ZIM2: variants seen among roughly 807,000 people sequenced by gnomAD.
The protein encoded by ZIM2 is zinc finger imprinted 2.
ZIM2 carries 14 observed loss-of-function variants against 38.6 expected under a neutral mutation model. The observed-to-expected ratio is 0.36, with a 90% CI of 0.24 to 0.57. The LOEUF is 0.57. Among genes scored for constraint, ZIM2 ranks in the 20% least tolerant of loss-of-function variants. ZIM2 has a pLI of 0.81. For missense variants in ZIM2, 680 were observed against 695.1 expected, an observed-to-expected ratio of 0.98 and a Z score of 0.24; for synonymous variants, 247 against 245.8, an observed-to-expected ratio of 1.00 and a Z score of -0.04.
intron 5 of ZIM2, among the ~76,000 whole-genome samples, chr19:56,823,057 A>C (rs1013254982): frequency 6.6e-6 from 1 of 152,186 alleles, no homozygotes; most frequent in African/African-American, 2.4e-5. Context: ...GCTTGCTTCC[A>C]AGCAAGTTCC....
chr19:56,781,981 C>T lies in ZIM2; in HGVS notation c.711G>A (p.Leu237=). 1 of 1,613,716 alleles carries T rather than the reference C, an allele frequency of 6.2e-7. No individual in the cohort carries two copies. The highest frequency in any genetic ancestry group is 1.1e-5 in the South Asian group (1 of 91,054). Residue 237 remains leucine, a synonymous_variant, in exon 11 of 13, where the codon CTG becomes CTA. Coordinates refer to ENST00000629319, the MANE Select transcript of ZIM2 (RefSeq NM_001387356.1). ...AQRNLYREVM[L]ENYRNLVSLG... is the part of the protein sequence containing the mutation. Reference sequence around the variant, plus strand: ...GGGAGACCAGGTTCCGGTAATTCTCCAGCATCACCTCCCTGTAGAGGTTTC... The same window carrying T: ...GGGAGACCAGGTTCCGGTAATTCTCTAGCATCACCTCCCTGTAGAGGTTTC...
chr19:56,789,119 G>A (rs2046789411), intron 10 of ZIM2, among the ~76,000 whole-genome samples: 1 of 151,664 alleles, frequency 6.6e-6, no homozygotes, highest in African/African-American at 2.4e-5. Flanking sequence ...GGAGGAGTTT[G>A]GATAAACAAC....
intron 12 of ZIM2, among the ~76,000 whole-genome samples, chr19:56,776,100 CAA>C (rs56776253): frequency 0.48 from 52,383 of 108,554 alleles, 10,266 homozygotes; most frequent in South Asian, 0.59. Context: ...GACTCTGTCT[CAA>C]AAAAAAAAAA....
Position 56,789,907 on chromosome 19 carries a change from C to T in ZIM2, c.535G>A (p.Glu179Lys). ...GCAGATGGCAGATTGTCTAACATCT[C>T]TGTGTTCCTCTTTTCTGCAGGGACA... ...DSVPAEKRNTEMLDNLPSAGS... is the reference protein window; with the variant it reads ...DSVPAEKRNTKMLDNLPSAGS... Residue 179 changes from glutamate (E) to lysine (K), a missense_variant, in exon 10 of 13, where the codon GAG becomes AAG. Transcript: ENST00000629319. 6.3e-7 allele frequency: 1 copy of T among 1,582,254 alleles called. No homozygotes were observed. The highest frequency in any genetic ancestry group is 2.3e-5 in the East Asian group (1 of 44,256).
chr19:56,798,669 C>G (rs1326276981), intron 9 of ZIM2: 2 of 152,064 alleles, frequency 1.3e-5, no homozygotes, highest in African/African-American at 2.4e-5. Flanking sequence ...TCAGAGTGAA[C>G]AGACAGCTTA....
In ZIM2 at chr19:56,775,399, G is replaced by A; in HGVS notation, c.966C>T (p.Ser322=). ...RSYGSDEFER[S]SNLSKQSKDP... ...CCTTTGATTGTTTACTAAGATTAGA[G>A]CTTCTCTCAAATTCATCACTGCCAT... Residue 322 remains serine (S), a synonymous_variant, in exon 13 of 13, where the codon AGC becomes AGT. Transcript: ENST00000629319. 3 of 1,614,112 alleles carry A rather than the reference G, an allele frequency of 1.9e-6. No homozygotes were observed. The highest frequency in any genetic ancestry group is 2.5e-6 in the Non-Finnish European group (3 of 1,180,022).
Position 56,824,283 on chromosome 19 carries a change from T to G in ZIM2, c.-6A>C. On this transcript the variant is annotated 5_prime_UTR_variant, in exon 4 of 13. Coordinates refer to ENST00000629319, the MANE Select transcript of ZIM2 (RefSeq NM_001387356.1). ...TCACCTTCTGGTTGGTACATCTCCT[T>G]GTAATTCTCCAGCAGAGTGACGAGC... 1 of 1,613,980 alleles carries G rather than the reference T, an allele frequency of 6.2e-7. No homozygotes were observed.
intron 10 of ZIM2, chr19:56,782,547 CA>C (rs2046378893): frequency 6.9e-6 from 3 of 432,114 alleles, no homozygotes; most frequent in Non-Finnish European, 9.1e-6. Context: ...ATCAAAATGA[CA>C]AAATACCATT....
chr19:56,782,691 C>A (rs2046385800), intron 10 of ZIM2, among the ~76,000 whole-genome samples: 1 of 151,992 alleles, frequency 6.6e-6, no homozygotes, highest in Non-Finnish European at 1.5e-5. Context: ...TAGAAAATCA[C>A]TTTTGATCCA....
At chr19:56,794,116 C>G (rs770416076) in intron 9 of ZIM2, among the ~76,000 whole-genome samples, 10 of 151,960 alleles carry the variant, frequency 6.6e-5, no homozygotes, top group Non-Finnish European at 1.0e-4. Context: ...TAATATCAAG[C>G]GGAAAAAGGA....
intron 7 of ZIM2, among the ~76,000 whole-genome samples, chr19:56,821,253 A>T (rs2060458592): frequency 1.3e-5 from 2 of 152,196 alleles, no homozygotes; most frequent in South Asian, 4.1e-4. Context: ...CCAGGCTTTA[A>T]ACCCAGCTCC....
chr19:56,789,577 C>G (rs2046814989), intron 10 of ZIM2, among the ~76,000 whole-genome samples: 1 of 150,560 alleles, frequency 6.6e-6, no homozygotes, highest in South Asian at 2.1e-4. Context: ...ATTCAAAAGA[C>G]AGAAAAAAAG....
At position 56,810,370 on chromosome 19, in the gene ZIM2, A is replaced by G. The variant is rs73626608; in HGVS notation, c.490+7376T>C. 8.6e-3 allele frequency: 8,499 copies of G among 985,392 alleles called. 563 individuals are homozygous for G. The African/African-American group carries it at 0.14, about 16-fold the overall frequency. 61.0% of individuals were successfully genotyped at this position (985,392 alleles called of 1,614,324 possible). A position where few individuals can be genotyped will look rare whatever the true frequency, so the allele number is the denominator to read the frequency against. ...TCAAGGAAACCGAAACAAAATAACC[A>G]TAATCCCACAACAACCACACAACTA... On this transcript the variant is annotated intron_variant, in intron 9 of 12. Coordinates refer to ENST00000629319, the MANE Select transcript of ZIM2 (RefSeq NM_001387356.1).
chr19:56,782,296 A>T, intron 10 of ZIM2, 175 bp from the exon 11 acceptor site: 1 of 831,356 alleles, frequency 1.2e-6, no homozygotes, highest in African/African-American at 1.7e-5. Flanking sequence ...AACAGTTCCT[A>T]TTGCTAATTA....
At chr19:56,837,382 A>T (rs1601303536) in intron 1 of ZIM2, among the ~76,000 whole-genome samples, 1 of 152,284 alleles carries the variant, frequency 6.6e-6, no homozygotes, top group South Asian at 2.1e-4. Flanking sequence ...TCACCAACAG[A>T]GTCTCCAAAT....
chr19:56,813,112 T>C, intron 9 of ZIM2: 8 of 984,332 alleles, frequency 8.1e-6, no homozygotes, highest in Non-Finnish European at 8.4e-6. Context: ...CAAAAAGATA[T>C]TGACAGGGTT....
chr19:56,777,252 A>C (rs530367496), intron 12 of ZIM2, among the ~76,000 whole-genome samples: 1 of 152,318 alleles, frequency 6.6e-6, no homozygotes, highest in Non-Finnish European at 1.5e-5. Flanking sequence ...ATCACAATGG[A>C]TTGACTCTTT....
Position 56,822,739 on chromosome 19 carries a change from T to C in ZIM2, c.190+14A>G, listed in dbSNP as rs2060623394. 1 of 1,613,586 alleles carries C rather than the reference T, an allele frequency of 6.2e-7. No homozygotes were observed. The highest frequency in any genetic ancestry group is 1.3e-5 in the African/African-American group (1 of 74,920). ...CTATATCTCCTACTGGGAAAGAAAG[T>C]GGTTAAGACTCACTGCTTCTTGGGT... On this transcript the variant is annotated intron_variant, in intron 6 of 12. Coordinates refer to ENST00000629319, the MANE Select transcript of ZIM2 (RefSeq NM_001387356.1).
At chr19:56,823,770 G>T in intron 4 of ZIM2, 91 bp from the exon 5 acceptor site, 2 of 1,426,726 alleles carry the variant, frequency 1.4e-6, no homozygotes, top group South Asian at 1.2e-5. Context: ...CCCTGTCACA[G>T]ACACACATGG....
Sources: allele counts gnomAD v4.1 joint callset (sites outside exome capture counted in the v4.1 genomes callset), GRCh38; gene constraint gnomAD v4.1.1; transcripts MANE v1.5; gene names NCBI Gene and HGNC (gene_info 2026-07-23, HGNC 2026-07-21).